PHACTR3: variants seen among roughly 807,000 people sequenced by gnomAD.
PHACTR3 encodes phosphatase and actin regulator 3, also known as protein phosphatase 1, regulatory subunit 123.
A neutral mutation model predicts 66.8 loss-of-function variants in PHACTR3; 16 were observed. That is an observed-to-expected ratio of 0.24 (90% CI 0.16 to 0.36). The LOEUF (loss-of-function observed/expected upper bound fraction) is 0.36. PHACTR3 is among the 10% of genes least tolerant of loss of function. PHACTR3 has a pLI of 1.00. For missense variants in PHACTR3, 647 were observed against 719.9 expected (o/e 0.90, Z 1.16); for synonymous variants, 323 against 292.1 (o/e 1.11, Z -1.08).
chr20:59,791,357 T>G (rs1260494090), intron 7 of PHACTR3, among the ~76,000 whole-genome samples: 1 of 152,170 alleles, frequency 6.6e-6, no homozygotes, highest in East Asian at 1.9e-4. Flanking sequence ...TCAATGTAAA[T>G]TACCCAGTCT....
chr20:59,832,683 ACT>A (rs2042417847), intron 8 of PHACTR3, among the ~76,000 whole-genome samples: 1 of 151,378 alleles, frequency 6.6e-6, no homozygotes. Flanking sequence ...GTGAATCCAG[ACT>A]CTCTCTCCAG....
intron 1 of PHACTR3, among the ~76,000 whole-genome samples, chr20:59,691,761 ACT>A (rs1310016977): frequency 1.3e-5 from 2 of 152,024 alleles, no homozygotes; most frequent in Middle Eastern, 3.2e-3. Context: ...GAGGTTTCTA[ACT>A]CTCTCATTTT....
intron 9 of PHACTR3, among the ~76,000 whole-genome samples, chr20:59,837,605 CTG>C (rs1259704143): frequency 2.0e-5 from 3 of 152,184 alleles, no homozygotes. Flanking sequence ...TATACCATCT[CTG>C]AGGATTTAAA....
chr20:59,664,770 C>T (rs981558800), intron 1 of PHACTR3, among the ~76,000 whole-genome samples: 13 of 152,360 alleles, frequency 8.5e-5, no homozygotes, highest in African/African-American at 2.9e-4. Flanking sequence ...CCACCCCTCA[C>T]TGGAGGCACC....
intron 1 of PHACTR3, among the ~76,000 whole-genome samples, chr20:59,635,169 C>CTTTCCTTTCTTTCTTTCTTT (rs1555881178): frequency 3.6e-5 from 2 of 55,340 alleles, no homozygotes; most frequent in African/African-American, 1.5e-4. Flanking sequence ...TTCTTTCTTT[C>CTTTCCTTTCTTTCTTTCTTT]CTTTCTTTCT....
At chr20:59,767,566 C>T (rs924893840) in intron 5 of PHACTR3, among the ~76,000 whole-genome samples, 171 bp downstream of exon 5, 3 of 152,230 alleles carry the variant, frequency 2.0e-5, no homozygotes, top group Non-Finnish European at 4.4e-5. Context: ...GGCTGGTTCT[C>T]ATCATTAGCT....
Position 59,836,580 on chromosome 20 carries a change from T to A in PHACTR3, c.1384+20T>A. On this transcript the variant is annotated intron_variant, in intron 9 of 12. Transcript: ENST00000371015. ...TGAAACGTGAGTAGCTGGTGATTCC[T>A]CTAGAGGTTTTCCTTCACGTGTGGT... The A allele has an allele frequency of 6.2e-7, 1 of 1,607,174 alleles. No homozygotes were observed. Among genetic ancestry groups the A allele is most frequent in the Non-Finnish European group, 8.5e-7 (1 of 1,177,146 alleles).
intron 7 of PHACTR3, among the ~76,000 whole-genome samples, chr20:59,796,647 T>C (rs1037816644): frequency 6.6e-6 from 1 of 152,032 alleles, no homozygotes; most frequent in Admixed American, 6.5e-5. Flanking sequence ...TTAGTAGAGA[T>C]TTTTTTCCCC....
chr20:59,831,749 G>A (rs758886802), intron 8 of PHACTR3, among the ~76,000 whole-genome samples: 56 of 152,176 alleles, frequency 3.7e-4, no homozygotes, highest in South Asian at 8.3e-4. Flanking sequence ...AAGCCCTGGC[G>A]GCATCCCTGC....
At chr20:59,708,200 CA>C (rs2037781766) in intron 1 of PHACTR3, among the ~76,000 whole-genome samples, 1 of 152,158 alleles carries the variant, frequency 6.6e-6, no homozygotes, top group Non-Finnish European at 1.5e-5. Context: ...CTGATGGGGA[CA>C]GGGGGAGTTC....
At chr20:59,582,203 G>C (rs1312504686) in intron 1 of PHACTR3, among the ~76,000 whole-genome samples, 1 of 152,146 alleles carries the variant, frequency 6.6e-6, no homozygotes, top group Non-Finnish European at 1.5e-5. Flanking sequence ...ATAAGCATGT[G>C]CTTTTTAAAG....
intron 1 of PHACTR3, among the ~76,000 whole-genome samples, chr20:59,693,334 T>C (rs1436665504): frequency 6.6e-6 from 1 of 152,228 alleles, no homozygotes; most frequent in Non-Finnish European, 1.5e-5. Flanking sequence ...AAAACACTTG[T>C]TGAGCTTGGG....
At chr20:59,767,902 A>G (rs982168588) in intron 5 of PHACTR3, among the ~76,000 whole-genome samples, 1 of 143,936 alleles carries the variant, frequency 6.9e-6, no homozygotes, top group African/African-American at 2.6e-5. Flanking sequence ...CTGGATGCTC[A>G]TGTGTCTGTC....
chr20:59,628,192 A>G (rs2034527315), intron 1 of PHACTR3: 1 of 152,098 alleles, frequency 6.6e-6, no homozygotes, highest in Non-Finnish European at 1.5e-5. Context: ...TCCTCCTCCC[A>G]AGATTTATTT....
chr20:59,594,451 C>A (rs1414870924), intron 1 of PHACTR3, among the ~76,000 whole-genome samples: 1 of 151,900 alleles, frequency 6.6e-6, no homozygotes, highest in Non-Finnish European at 1.5e-5. Context: ...TGTCTTATGG[C>A]ATTAGTTGAA....
intron 1 of PHACTR3, among the ~76,000 whole-genome samples, chr20:59,626,005 C>T (rs964365577): frequency 1.3e-5 from 2 of 152,054 alleles, no homozygotes; most frequent in African/African-American, 4.8e-5. Flanking sequence ...AGAGGCCAGC[C>T]CATCTTGGGG....
At chr20:59,731,061 TG>T (rs979169280) in intron 1 of PHACTR3, among the ~76,000 whole-genome samples, 5 of 152,208 alleles carry the variant, frequency 3.3e-5, no homozygotes, top group African/African-American at 1.2e-4. Context: ...AATTGACTTT[TG>T]TTTTTCTTTA....
rs199746389 is a variant in PHACTR3 at position 59,841,540 on chromosome 20, C to T, written c.1587+5C>T. The T allele has an allele frequency of 2.5e-6, 4 of 1,610,490 alleles. No homozygotes were observed. The highest frequency in any genetic ancestry group is 4.5e-5 in the East Asian group (2 of 44,836). ...AGACTGTCAGCAGCAGATAAGGTAC[C>T]TAACTGCCTGTGCTGGTGGGGGGTG... On this transcript the variant is annotated splice_donor_5th_base_variant and intron_variant, in intron 11 of 12. Coordinates refer to ENST00000371015, the MANE Select transcript of PHACTR3 (RefSeq NM_080672.5).
chr20:59,606,303 T>TCCCCCC (rs5842274), intron 1 of PHACTR3, among the ~76,000 whole-genome samples: 2 of 151,032 alleles, frequency 1.3e-5, no homozygotes, highest in East Asian at 2.0e-4. Context: ...ACTGGATCCC[T>TCCCCCC]CCCCCCCCCA....
Sources: allele counts gnomAD v4.1 joint callset (sites outside exome capture counted in the v4.1 genomes callset), GRCh38; gene constraint gnomAD v4.1.1; transcripts MANE v1.5; gene names NCBI Gene and HGNC (gene_info 2026-07-23, HGNC 2026-07-21).